GCSAML: variants seen among roughly 807,000 people sequenced by gnomAD.
The protein encoded by GCSAML is germinal center associated signaling and motility like.
Under a neutral mutation model 13.0 loss-of-function variants are expected in GCSAML, and 9 were observed. The observed-to-expected ratio is 0.69, with a 90% CI of 0.42 to 1.21. The LOEUF (loss-of-function observed/expected upper bound fraction) is 1.21, where lower values mean the gene tolerates loss of function less well. GCSAML is among the 50% of genes most tolerant of loss of function. The pLI is 0.00. For synonymous variants in GCSAML, 37 were observed against 52.9 expected (o/e 0.70, Z 1.31); for missense variants, 143 against 153.4 (o/e 0.93, Z 0.36).
chr1:247,519,941 CAG>C (rs1308587021), intron 1 of GCSAML, among the ~76,000 whole-genome samples: 1 of 152,174 alleles, frequency 6.6e-6, no homozygotes, highest in Non-Finnish European at 1.5e-5. Context: ...GATATGTTGA[CAG>C]TGATTATGTT....
chr1:247,558,435 C>G (rs545057767), intron 2 of GCSAML, among the ~76,000 whole-genome samples: 1 of 152,162 alleles, frequency 6.6e-6, no homozygotes, highest in Admixed American at 6.5e-5. Context: ...AAAATTCACC[C>G]TTCTCATATA....
rs1345606817 is a variant in GCSAML, at chr1:247,526,797, C to T, written c.-262-143C>T. 9 of 358,362 alleles carry T rather than the reference C, an allele frequency of 2.5e-5. No homozygotes were observed. Among genetic ancestry groups the T allele is most frequent in the East Asian group, 2.2e-4 (3 of 13,366 alleles). The allele number at this position is 358,362 out of a possible 1,614,324, so 22.2% of individuals were successfully genotyped here. A position where few individuals can be genotyped will look rare whatever the true frequency, so the allele number is the denominator to read the frequency against. ...GGAGCCTAGAAAATTCTGACATATT[C>T]GGCTGAAAAGGGACCTGGCATCGAA... On this transcript the variant is annotated intron_variant, in intron 1 of 5. Transcript: ENST00000366489. The surrounding 1 kb of genome is among the most constrained non-coding windows in gnomAD (Gnocchi z 4.8).
At chr1:247,569,704 G>A (rs1377510133) in intron 4 of GCSAML, among the ~76,000 whole-genome samples, 1 of 152,118 alleles carries the variant, frequency 6.6e-6, no homozygotes, top group African/African-American at 2.4e-5. Context: ...TTCATATCAG[G>A]GTGATGCTGG....
chr1:247,553,554 T>C (rs1422196891), intron 1 of GCSAML, among the ~76,000 whole-genome samples: 3 of 152,244 alleles, frequency 2.0e-5, no homozygotes, highest in Non-Finnish European at 4.4e-5. Context: ...TTTATGTTTT[T>C]GGCATATTGC....
intron 1 of GCSAML, among the ~76,000 whole-genome samples, chr1:247,519,606 C>T (rs1313201309): frequency 1.3e-5 from 2 of 152,184 alleles, no homozygotes; most frequent in Non-Finnish European, 2.9e-5. Flanking sequence ...AATTTAAGTG[C>T]GGCAAACATT....
Position 247,574,317 on chromosome 1 carries a change from A to T in GCSAML, c.343A>T (p.Thr115Ser). Residue 115 changes from threonine to serine, a missense_variant, in exon 5 of 5, where the codon ACT becomes TCT. Physicochemically the swap from Thr to Ser is moderately conservative, Grantham distance 58. Transcript: ENST00000366488. ...RSETEYALLRTSVSRPCSCTH... is the reference protein window; with the variant it reads ...RSETEYALLRSSVSRPCSCTH... ...AGAGACAGAATATGCCCTTCTTAGG[A>T]CTTCTGTTAGTAGGCCTTGTTCCTG... is the stretch of plus-strand genomic sequence containing the variant. 1 of 1,613,792 alleles carries T rather than the reference A, an allele frequency of 6.2e-7. No individual in the cohort carries two copies. The highest frequency in any genetic ancestry group is 8.5e-7 in the Non-Finnish European group (1 of 1,179,734).
At chr1:247,512,845 C>T (rs537909250) in intron 1 of GCSAML, among the ~76,000 whole-genome samples, 2 of 152,298 alleles carry the variant, frequency 1.3e-5, no homozygotes, top group Admixed American at 6.5e-5. Flanking sequence ...GCAGAGGCTG[C>T]AGAACAGCAA....
chr1:247,559,521 G>T (rs1427977496), intron 2 of GCSAML, among the ~76,000 whole-genome samples: 5 of 152,110 alleles, frequency 3.3e-5, no homozygotes, highest in Non-Finnish European at 7.4e-5. Flanking sequence ...GGAGATCAAG[G>T]ACACCCAGGG....
At chr1:247,521,989 G>A (rs1386241499) in intron 1 of GCSAML, among the ~76,000 whole-genome samples, 3 of 151,110 alleles carry the variant, frequency 2.0e-5, no homozygotes, top group Non-Finnish European at 3.0e-5. Context: ...CCTCTGCCCC[G>A]CTGCCCCGTC....
At chr1:247,559,888 T>A (rs1668066463) in intron 2 of GCSAML, among the ~76,000 whole-genome samples, 1 of 152,220 alleles carries the variant, frequency 6.6e-6, no homozygotes, top group African/African-American at 2.4e-5. Context: ...CCCAATCTTA[T>A]GACCTTGTTT....
intron 1 of GCSAML, among the ~76,000 whole-genome samples, chr1:247,508,297 G>A (rs1184997336): frequency 2.6e-5 from 4 of 152,084 alleles, no homozygotes; most frequent in Admixed American, 2.6e-4. Context: ...ATGTTTGATG[G>A]CCACATAAAT....
In GCSAML at chr1:247,538,902, T is replaced by G. The variant is rs1198806172; in HGVS notation, c.-147-10143T>G. ...AATGCAAAGCTCCAGTGCAACACTT[T>G]AGAAAACGAACCCTGTTGTACACCT... On this transcript the variant is annotated intron_variant, in intron 2 of 5. Coordinates refer to the GCSAML transcript ENST00000366489. 2.0e-4 allele frequency: 70 copies of G among 348,324 alleles called. 1 individual carries two copies. Among genetic ancestry groups the G allele is most frequent in the South Asian group, 1.4e-3 (63 of 44,884 alleles). 21.6% of individuals were successfully genotyped at this position (348,324 alleles called of 1,614,324 possible).
intron 1 of GCSAML, among the ~76,000 whole-genome samples, chr1:247,513,710 G>C (rs147753453): frequency 2.6e-5 from 4 of 152,318 alleles, no homozygotes; most frequent in East Asian, 1.9e-4. Flanking sequence ...TGGGGCTGCA[G>C]TGCACCATTC....
At chr1:247,557,790 T>A (rs1269396142) in intron 2 of GCSAML, among the ~76,000 whole-genome samples, 1 of 152,208 alleles carries the variant, frequency 6.6e-6, no homozygotes, top group Non-Finnish European at 1.5e-5. Flanking sequence ...GGAGAGGAGA[T>A]AGCAATGATT....
rs1260290100 is a variant in GCSAML, at chr1:247,554,016, C to T, written c.30-2391C>T. Among the ~76,000 whole-genome samples, 4 of 152,066 alleles carry T rather than the reference C, an allele frequency of 2.6e-5. No homozygotes were observed. The South Asian group carries it at 6.2e-4, about 24-fold the overall frequency. ...GGATTATTGCATCTATTTTCATGAT[C>T]GAGTTGGACCTGTGATTTTTAAAAA... On this transcript the variant is annotated intron_variant, in intron 1 of 4. Transcript: ENST00000366488.
upstream of GCSAML, among the ~76,000 whole-genome samples, chr1:247,546,258 G>A (rs1667565268): frequency 6.6e-6 from 1 of 152,076 alleles, no homozygotes; most frequent in Admixed American, 6.6e-5. Context: ...CTACAGCTTC[G>A]AACTCCTGGG....
At chr1:247,514,338 C>T (rs1386562330) in intron 1 of GCSAML, among the ~76,000 whole-genome samples, 1 of 152,080 alleles carries the variant, frequency 6.6e-6, no homozygotes, top group Non-Finnish European at 1.5e-5. Context: ...TTTTCTCTCG[C>T]ACTGATTTGA....
upstream of GCSAML, among the ~76,000 whole-genome samples, chr1:247,548,556 A>G (rs894368692): frequency 6.6e-6 from 1 of 152,076 alleles, no homozygotes; most frequent in Admixed American, 6.5e-5. The surrounding 1 kb of genome is among the most constrained non-coding windows in gnomAD (Gnocchi z 5.3). Context: ...AAGGCTATTG[A>G]CATTTGATCT....
intron 1 of GCSAML, among the ~76,000 whole-genome samples, chr1:247,521,472 A>G (rs1572291265): frequency 6.6e-6 from 1 of 151,558 alleles, no homozygotes. Flanking sequence ...GCTCACTGCA[A>G]CCTCCCTGCC....
Sources: allele counts gnomAD v4.1 joint callset (sites outside exome capture counted in the v4.1 genomes callset), GRCh38; gene constraint gnomAD v4.1.1; non-coding constraint Gnocchi (gnomAD v3.1); transcripts MANE v1.5; gene names NCBI Gene and HGNC (gene_info 2026-07-23, HGNC 2026-07-21).